Variants in ANO1 observed in about 807,000 individuals in gnomAD.
ANO1 encodes the protein anoctamin 1.
A neutral mutation model predicts 124.0 loss-of-function variants in ANO1; 59 were observed. The observed-to-expected ratio is 0.48, with a 90% confidence interval of 0.39 to 0.59. ANO1 has a LOEUF of 0.59. ANO1 is among the 20% of genes least tolerant of loss of function. The pLI is 0.00. For missense variants in ANO1, 1,059 were observed against 1,328.0 expected (o/e 0.80, Z 3.15); for synonymous variants, 529 against 532.0 (o/e 0.99, Z 0.08).
chr11:70,174,320 C>T lies in ANO1; in HGVS notation c.2350+3281C>T, dbSNP rs184720183. Reference sequence around the variant, plus strand: ...CTGAGGCAGGAGAATCGCATGAACCCGGGAGGCGGAGGTTGCAGTGAGCCG... The same window carrying T: ...CTGAGGCAGGAGAATCGCATGAACCTGGGAGGCGGAGGTTGCAGTGAGCCG... On this transcript the variant is annotated intron_variant, in intron 22 of 25. Coordinates refer to ENST00000355303, the MANE Select transcript of ANO1 (RefSeq NM_018043.7). Among the ~76,000 whole-genome samples, 519 of 150,496 alleles carry T rather than the reference C, an allele frequency of 3.4e-3. 1 individual carries two copies. Among genetic ancestry groups the T allele is most frequent in the African/African-American group, 0.012 (502 of 41,078 alleles).
intron 2 of ANO1, among the ~76,000 whole-genome samples, chr11:70,090,167 C>T (rs1006736299): frequency 2.6e-5 from 4 of 152,196 alleles, no homozygotes; most frequent in African/African-American, 9.7e-5. Context: ...GCCGTCACGC[C>T]CAGCTAATTT....
Position 70,096,484 on chromosome 11 carries a change from G to A in ANO1, c.442-6582G>A, listed in dbSNP as rs535913605. ...CAGTGACATGACATTCTCACTGGGA[G>A]CCCAAACCCTGTTATGAACAGTGCA... On this transcript the variant is annotated intron_variant, in intron 2 of 25. Transcript: ENST00000355303. 5.9e-5 allele frequency among the ~76,000 whole-genome samples: 9 copies of A among 152,276 alleles called. No homozygotes were observed. The South Asian group carries it at 1.7e-3, about 28-fold the overall frequency.
intron 22 of ANO1, among the ~76,000 whole-genome samples, chr11:70,177,389 G>A (rs1463332292): frequency 6.6e-6 from 1 of 152,166 alleles, no homozygotes; most frequent in Non-Finnish European, 1.5e-5. Context: ...CAACTCTCTA[G>A]TGGGGGTCTG....
At chr11:70,019,245 A>AC (rs1856756933) in intron 1 of ANO1, among the ~76,000 whole-genome samples, 1 of 37,612 alleles carries the variant, frequency 2.7e-5, no homozygotes, top group Non-Finnish European at 7.2e-5. Flanking sequence ...GAACCCCCCC[A>AC]CACACACACA....
chr11:70,180,054 A>G lies in ANO1; in HGVS notation c.2401A>G (p.Asn801Asp), dbSNP rs17856969. Residue 801 changes from asparagine (N) to aspartate (D), a missense_variant and splice_region_variant, in exon 23 of 26, where the codon AAT becomes GAT. This residue lies in a region of ANO1 where 809 missense variants were observed against 1,094.9 expected (regional missense o/e 0.74). Coordinates refer to ENST00000355303, the MANE Select transcript of ANO1 (RefSeq NM_018043.7). ...RGIGKLAVII[N>D]AFVISFTSDF... ...CATTGGGAAGCTTGCTGTCATCATC[A>G]ATGTAAGTGACATCAGGGACCTTGG... 1 of 1,612,436 alleles carries G rather than the reference A, an allele frequency of 6.2e-7. No homozygotes were observed. Among genetic ancestry groups the G allele is most frequent in the Non-Finnish European group, 8.5e-7 (1 of 1,178,578 alleles).
chr11:70,030,419 A>G (rs1290848545), intron 1 of ANO1, among the ~76,000 whole-genome samples: 2 of 152,192 alleles, frequency 1.3e-5, no homozygotes, highest in Admixed American at 6.5e-5. Flanking sequence ...AAATGAACAC[A>G]CACTTAGAGG....
In ANO1 at chr11:70,042,772, A is replaced by G. The variant is rs537438309; in HGVS notation, c.59-35770A>G. ...CAGGGCATCACTGAGCAGGATTCCC[A>G]GAAGAGTATCATCGGGATTCAAGGC... is the stretch of plus-strand genomic sequence containing the variant. On this transcript the variant is annotated intron_variant, in intron 1 of 27. Coordinates refer to the ANO1 transcript ENST00000531349. Among the ~76,000 whole-genome samples the G allele has an allele frequency of 2.0e-5, 3 of 152,336 alleles. No individual in the cohort carries two copies. The East Asian group carries it at 5.8e-4, about 29-fold the overall frequency.
intron 8 of ANO1, among the ~76,000 whole-genome samples, chr11:70,121,194 C>T (rs57658911): frequency 0.028 from 4,207 of 151,564 alleles, 73 homozygotes; most frequent in African/African-American, 0.033. Context: ...CTCCCCGTCT[C>T]CCTCCCCCAC....
Position 70,177,594 on chromosome 11 carries a change from C to CTTT in ANO1, c.2351-2389_2351-2387dup, listed in dbSNP as rs57647858. 4.8e-3 allele frequency among the ~76,000 whole-genome samples: 380 copies of CTTT among 78,916 alleles called. 2 individuals carry two copies. Among genetic ancestry groups the CTTT allele is most frequent in the East Asian group, 7.9e-3 (19 of 2,408 alleles). 51.8% of individuals were successfully genotyped at this position (78,916 alleles called of 152,430 possible). ...TCGATTTTTCTTTTCTTTTTTTTTT[C>CTTT]TTTTTTTTTTTTTTTTTTTTTTTGA... On this transcript the variant is annotated intron_variant, in intron 22 of 25. Transcript: ENST00000355303.
At chr11:70,097,189 G>A (rs1426819896) in intron 2 of ANO1, among the ~76,000 whole-genome samples, 2 of 152,180 alleles carry the variant, frequency 1.3e-5, no homozygotes, top group Non-Finnish European at 2.9e-5. Context: ...CATGGCAAGG[G>A]CTGGGATTAA....
At chr11:70,047,977 C>G (rs1240501177) in intron 1 of ANO1, among the ~76,000 whole-genome samples, 1 of 152,198 alleles carries the variant, frequency 6.6e-6, no homozygotes, top group East Asian at 1.9e-4. Context: ...TCCAAATGCT[C>G]CAGCTTCCTG....
chr11:70,026,318 TTGA>T (rs1398383601), intron 1 of ANO1, among the ~76,000 whole-genome samples: 20 of 126,392 alleles, frequency 1.6e-4, no homozygotes, highest in Admixed American at 9.1e-4. Context: ...AATGATGGCA[TTGA>T]TGATGGTGGT....
chr11:70,136,815 T>C (rs1004338217), intron 11 of ANO1, among the ~76,000 whole-genome samples: 2 of 147,772 alleles, frequency 1.4e-5, no homozygotes, highest in African/African-American at 4.8e-5. Context: ...AGCCTCGAGA[T>C]AAATGCAGTT....
chr11:70,008,257 C>T (rs550837889), intron 1 of ANO1, among the ~76,000 whole-genome samples: 22 of 152,228 alleles, frequency 1.4e-4, no homozygotes, highest in African/African-American at 4.6e-4. Context: ...TTTTTGAGCT[C>T]GATACAGTCT....
At chr11:70,027,940 A>G (rs189817139) in intron 1 of ANO1, among the ~76,000 whole-genome samples, 130 of 152,198 alleles carry the variant, frequency 8.5e-4, no homozygotes, top group African/African-American at 3.0e-3. Context: ...GTGTTAAGTC[A>G]TCTGGGTTTT....
chr11:70,148,903 A>G (rs1366534381), intron 11 of ANO1, among the ~76,000 whole-genome samples: 5 of 152,144 alleles, frequency 3.3e-5, no homozygotes, highest in Non-Finnish European at 7.4e-5. Context: ...GAAGGTCCCG[A>G]GAGGAGCTGG....
At chr11:70,112,644 AC>A (rs1308201330) in intron 7 of ANO1, among the ~76,000 whole-genome samples, 1 of 142,102 alleles carries the variant, frequency 7.0e-6, no homozygotes, top group Non-Finnish European at 1.5e-5. Context: ...GGCAACCTCC[AC>A]CTCTTGGGTT....
rs1463029146 is a variant in ANO1 at position 70,134,154 on chromosome 11, C to T, written c.1258+2075C>T. ...CGAGGCACCTCGCTGCAGCCCCACCCGCTGTGTGCGCAGCTGGAAGGGCCT... is the reference window on the plus strand; with the variant it reads ...CGAGGCACCTCGCTGCAGCCCCACCTGCTGTGTGCGCAGCTGGAAGGGCCT... On this transcript the variant is annotated intron_variant, in intron 11 of 25. Transcript: ENST00000355303. Among the ~76,000 whole-genome samples, 8 of 152,348 alleles carry T rather than the reference C, an allele frequency of 5.3e-5. No individual in the cohort carries two copies. In the South Asian group the frequency reaches 1.4e-3, roughly 28 times the overall value.
At chr11:69,966,491 C>T in the ANO1 span, among the ~76,000 whole-genome samples, 3 of 152,230 alleles carry the variant, frequency 2.0e-5, no homozygotes, top group African/African-American at 7.2e-5. Flanking sequence ...GAGATTCCAG[C>T]AGTGGAGGTG....
Sources: gnomAD v4.1 joint callset for allele counts (sites outside exome capture counted in the v4.1 genomes callset) on GRCh38, gnomAD v4.1.1 for gene constraint, gnomAD v4.1.1 regional missense constraint, MANE v1.5 for transcripts, NCBI Gene and HGNC (gene_info 2026-07-23, HGNC 2026-07-21) for gene names.